The following DEPDC4 variants were observed in gnomAD, a reference collection of about 807,000 sequenced individuals.
The protein encoded by DEPDC4 is DEP domain containing 4.
Under a neutral mutation model 52.0 loss-of-function variants are expected in DEPDC4, and 52 were observed. The ratio of observed to expected loss-of-function variants is 1.00; its 90% CI spans 0.80 to 1.26. DEPDC4 has a LOEUF of 1.26. DEPDC4 is among the 50% of genes most tolerant of loss of function. DEPDC4 has a pLI of 0.00. For missense variants in DEPDC4, 530 were observed against 546.9 expected, an observed-to-expected ratio of 0.97 and a Z score of 0.31; for synonymous variants, 201 against 196.8, an observed-to-expected ratio of 1.02 and a Z score of -0.18.
chr12:100,235,775 T>G (rs368461192), downstream of DEPDC4, among the ~76,000 whole-genome samples: 1 of 152,130 alleles, frequency 6.6e-6, no homozygotes, highest in African/African-American at 2.4e-5. Flanking sequence ...GGTTTCACCA[T>G]GTTGGCTAGG....
At chr12:100,259,912 C>T (rs1024321423) in intron 3 of DEPDC4, among the ~76,000 whole-genome samples, 5 of 151,444 alleles carry the variant, frequency 3.3e-5, no homozygotes, top group African/African-American at 1.2e-4. Flanking sequence ...TAAAAACCCA[C>T]ATTAGAGTGA....
the DEPDC4 span, among the ~76,000 whole-genome samples, chr12:100,272,756 T>C: frequency 1.4e-4 from 22 of 152,202 alleles, no homozygotes. Context: ...TGGTTTTAAC[T>C]TGTTTCTTAA....
At chr12:100,270,587 T>C (rs2096286521), upstream of DEPDC4, among the ~76,000 whole-genome samples, 1 of 152,018 alleles carries the variant, frequency 6.6e-6, no homozygotes, top group South Asian at 2.1e-4. Context: ...TAATTTGATA[T>C]TTAAGCGTAT....
chr12:100,253,678 C>A lies in DEPDC4; in HGVS notation c.916G>T (p.Glu306Ter), dbSNP rs1159112555. The part of the protein sequence containing the change: ...NWLNAAIECL[E>*]YFPDQLIVTV... ...ACTATTAACTGGTCAGGGAAATACT[C>A]CAAGCATTCAATTGCTGCATTAAGC... is the stretch of plus-strand genomic sequence containing the variant. Residue 306 changes from glutamate (E) to a stop codon, truncating the protein, a stop_gained, in exon 5 of 10, where the codon GAG (glutamate) becomes TAG (stop). Transcript: ENST00000550587. LOFTEE classifies it high-confidence loss of function. 2.3e-6 allele frequency: 3 copies of A among 1,289,718 alleles called. No individual in the cohort carries two copies. Among genetic ancestry groups the A allele is most frequent in the Non-Finnish European group, 2.0e-6 (2 of 988,964 alleles). The allele number at this position is 1,289,718 out of a possible 1,614,324, so 79.9% of individuals were successfully genotyped here. A position where few individuals can be genotyped will look rare whatever the true frequency, so the allele number is the denominator to read the frequency against.
intron 7 of DEPDC4, among the ~76,000 whole-genome samples, chr12:100,251,862 C>G (rs1481133191): frequency 2.6e-5 from 4 of 152,010 alleles, no homozygotes; most frequent in Non-Finnish European, 4.4e-5. Context: ...AGCCACTGTG[C>G]CCGGCCTGTT....
intron 8 of DEPDC4, among the ~76,000 whole-genome samples, chr12:100,248,415 C>T (rs2096194673): frequency 6.6e-6 from 1 of 151,938 alleles, no homozygotes; most frequent in African/African-American, 2.4e-5. Context: ...TAGTTTTAAA[C>T]AATTATAAGT....
intron 3 of DEPDC4, among the ~76,000 whole-genome samples, chr12:100,258,719 GAATTCTGTCAATCAAATAAGA>G (rs879847973): frequency 0.023 from 3,469 of 152,078 alleles, 89 homozygotes; most frequent in African/African-American, 0.066. Context: ...TTTCCACCTA[GAATTCTGTCAATCAAATAAGA>G]GGCTAGAATA....
chr12:100,246,137 T>G (rs185592386), intron 8 of DEPDC4, among the ~76,000 whole-genome samples: 6 of 151,722 alleles, frequency 4.0e-5, no homozygotes, highest in South Asian at 4.2e-4. Context: ...TTTTTTTTTT[T>G]TGTCATTTTT....
rs981812978 is a variant in DEPDC4, at chr12:100,248,831, A to G, written c.1453+69T>C. The G allele has an allele frequency of 4.7e-6, 3 of 639,272 alleles. No homozygotes were observed. The African/African-American group carries it at 5.9e-5, about 13-fold the overall frequency. The allele number at this position is 639,272 out of a possible 1,614,324, so 39.6% of individuals were successfully genotyped here. ...TATATTTATTACATACTCATCTTTG[A>G]TGCCTTCCCAACTCATTTGGCAACA... is the stretch of plus-strand genomic sequence containing the variant. On this transcript the variant is annotated intron_variant, in intron 8 of 9. Transcript: ENST00000550587.
At chr12:100,273,613 AAT>A in the DEPDC4 span, among the ~76,000 whole-genome samples, 27 of 152,288 alleles carry the variant, frequency 1.8e-4, no homozygotes, top group Admixed American at 5.9e-4. Flanking sequence ...CTCAAATTTG[AAT>A]ATCAATTCTG....
In DEPDC4 at chr12:100,263,651, C is replaced by A. The variant is rs747024118; in HGVS notation, c.400G>T (p.Glu134Ter). ...CQVLMNHKVF[E>*]PVGMKKLFKK... ...AAAAGCTTCTTCATTCCTACTGGTT[C>A]AAATACTTTGTGATTCATTAGAACT... Residue 134 changes from glutamate (E) to a stop codon, truncating the protein, a stop_gained, in exon 2 of 10, where the codon GAA (glutamate) becomes TAA (stop). Transcript: ENST00000550587. LOFTEE classifies it high-confidence loss of function. 6.2e-7 allele frequency: 1 copy of A among 1,613,992 alleles called. No homozygotes were observed. The highest frequency in any genetic ancestry group is 1.7e-5 in the Admixed American group (1 of 59,996).
At chr12:100,249,908 A>G (rs1241597373) in intron 7 of DEPDC4, among the ~76,000 whole-genome samples, 1 of 152,214 alleles carries the variant, frequency 6.6e-6, no homozygotes, top group Non-Finnish European at 1.5e-5. Context: ...GCAAATACAT[A>G]ATACATATAA....
At chr12:100,281,019 G>GTTTTTTTTTTTTT in the DEPDC4 span, among the ~76,000 whole-genome samples, 8 of 50,492 alleles carry the variant, frequency 1.6e-4, no homozygotes, top group East Asian at 1.2e-3. Context: ...TACCATCAGT[G>GTTTTTTTTTTTTT]TTTTTTTTTT....
intron 3 of DEPDC4, among the ~76,000 whole-genome samples, chr12:100,257,172 C>T (rs549802888): frequency 2.0e-5 from 3 of 149,910 alleles, no homozygotes; most frequent in Admixed American, 6.6e-5. Context: ...TCCATCTCCC[C>T]GCTGAAGTGA....
At chr12:100,250,752 T>C (rs2096204326) in intron 7 of DEPDC4, among the ~76,000 whole-genome samples, 2 of 152,280 alleles carry the variant, frequency 1.3e-5, no homozygotes, top group Admixed American at 1.3e-4. Context: ...CTGGGACCCA[T>C]TTTAGCAGGT....
chr12:100,247,495 C>T (rs577058001), intron 8 of DEPDC4, among the ~76,000 whole-genome samples: 2 of 152,126 alleles, frequency 1.3e-5, no homozygotes, highest in Admixed American at 6.5e-5. Context: ...CATGAGCCAC[C>T]GCACCCAGCC....
intron 8 of DEPDC4, among the ~76,000 whole-genome samples, 160 bp from the exon 9 acceptor site, chr12:100,242,729 T>C (rs1433592510): frequency 6.6e-6 from 1 of 152,228 alleles, no homozygotes; most frequent in Non-Finnish European, 1.5e-5. Flanking sequence ...ACATGAAACC[T>C]TGATGTGCCA....
chr12:100,233,096 G>A (rs2096136909), intron 9 of DEPDC4, among the ~76,000 whole-genome samples: 1 of 152,136 alleles, frequency 6.6e-6, no homozygotes, highest in African/African-American at 2.4e-5. Flanking sequence ...GGTCACATTA[G>A]GTAGTGGACT....
At chr12:100,239,353 G>C (rs1002254505), downstream of DEPDC4, among the ~76,000 whole-genome samples, 2 of 151,856 alleles carry the variant, frequency 1.3e-5, no homozygotes, top group African/African-American at 4.8e-5. Flanking sequence ...TGGGATTACA[G>C]ATGTGAGCCA....
Sources: allele counts gnomAD v4.1 joint callset (sites outside exome capture counted in the v4.1 genomes callset), GRCh38; gene constraint gnomAD v4.1.1; transcripts MANE v1.5; gene names NCBI Gene and HGNC (gene_info 2026-07-23, HGNC 2026-07-21).